The following GPC5 variants were observed in gnomAD, a reference collection of about 807,000 sequenced individuals.
The protein encoded by GPC5 is glypican 5.
A neutral mutation model predicts 53.9 loss-of-function variants in GPC5; 47 were observed. The ratio of observed to expected loss-of-function variants is 0.87; its 90% confidence interval spans 0.69 to 1.11. The LOEUF (loss-of-function observed/expected upper bound fraction) is 1.11. Among genes scored for constraint, GPC5 ranks in the 50% most tolerant of loss-of-function variants. The probability of loss-of-function intolerance (pLI) is 0.00; values close to 1 mark genes in which losing one functional copy is unlikely to be tolerated. For synonymous variants in GPC5, 286 were observed against 263.3 expected (o/e 1.09, Z -0.84); for missense variants, 748 against 713.1 (o/e 1.05, Z -0.56).
chr13:92,454,181 A>G (rs1056461234), intron 7 of GPC5, among the ~76,000 whole-genome samples: 1 of 151,718 alleles, frequency 6.6e-6, no homozygotes, highest in Non-Finnish European at 1.5e-5. Context: ...TAGTAATTTT[A>G]TCTCCAGGTT....
chr13:92,866,632 A>C lies in GPC5; in HGVS notation c.*193A>C, dbSNP rs762537867. 1.5e-5 allele frequency: 6 copies of C among 402,524 alleles called. No homozygotes were observed. The highest frequency in any genetic ancestry group is 2.6e-5 in the Non-Finnish European group (6 of 229,944). The allele number at this position is 402,524 out of a possible 1,614,324, so 24.9% of individuals were successfully genotyped here. A position where few individuals can be genotyped will look rare whatever the true frequency, so the allele number is the denominator to read the frequency against. On this transcript the variant is annotated 3_prime_UTR_variant, in exon 8 of 8. Coordinates refer to ENST00000377067, the MANE Select transcript of GPC5 (RefSeq NM_004466.6). The stretch of plus-strand genomic sequence containing the variant: ...TCAACGTTTAAATGACACACTTTAA[A>C]AATATGTCTTTTTTCAATCTAACTG...
intron 7 of GPC5, among the ~76,000 whole-genome samples, chr13:92,809,497 C>T (rs951256901): frequency 1.3e-5 from 2 of 152,142 alleles, no homozygotes; most frequent in Non-Finnish European, 2.9e-5. Flanking sequence ...GGTAATAAGA[C>T]TCAGAGTCTG....
At chr13:92,445,063 A>G (rs180972852) in intron 7 of GPC5, among the ~76,000 whole-genome samples, 4 of 152,088 alleles carry the variant, frequency 2.6e-5, no homozygotes, top group African/African-American at 7.2e-5. Context: ...AGGTTGTCTA[A>G]TAACTACCAA....
intron 1 of GPC5, among the ~76,000 whole-genome samples, chr13:91,411,593 T>A (rs1877797360): frequency 6.6e-6 from 1 of 152,146 alleles, no homozygotes; most frequent in African/African-American, 2.4e-5. Flanking sequence ...TTATGACCCT[T>A]TACATAAAAC....
chr13:92,680,878 T>A (rs1456224319), intron 7 of GPC5, among the ~76,000 whole-genome samples: 2 of 152,196 alleles, frequency 1.3e-5, no homozygotes, highest in African/African-American at 4.8e-5. Context: ...TACCAACCTG[T>A]GTCACCAGGA....
intron 7 of GPC5, among the ~76,000 whole-genome samples, chr13:92,216,501 A>C (rs1672479123): frequency 6.6e-6 from 1 of 152,198 alleles, no homozygotes; most frequent in Admixed American, 6.5e-5. Flanking sequence ...AGATGTGGTG[A>C]TCTGGAAAGT....
At chr13:92,095,438 C>T (rs1225824126) in intron 6 of GPC5, among the ~76,000 whole-genome samples, 4 of 152,146 alleles carry the variant, frequency 2.6e-5, no homozygotes, top group African/African-American at 7.2e-5. Flanking sequence ...ACCTCCGCCT[C>T]GTGGGTTCAA....
At position 91,785,489 on chromosome 13, in the gene GPC5, C is replaced by T. The variant is rs562384144; in HGVS notation, c.1280+29069C>T. Among the ~76,000 whole-genome samples, 157 of 150,236 alleles carry T rather than the reference C, an allele frequency of 1.0e-3. 1 individual carries two copies. Among genetic ancestry groups the T allele is most frequent in the Non-Finnish European group, 1.7e-3 (116 of 67,550 alleles). Reference sequence around the variant, plus strand: ...TCATTCAGAGTTACACCTTTAAATACATGAATACGATATTGATTAACATAT... The same window carrying T: ...TCATTCAGAGTTACACCTTTAAATATATGAATACGATATTGATTAACATAT... On this transcript the variant is annotated intron_variant, in intron 5 of 7. Coordinates refer to ENST00000377067, the MANE Select transcript of GPC5 (RefSeq NM_004466.6).
intron 7 of GPC5, among the ~76,000 whole-genome samples, chr13:92,749,035 T>C (rs140217024): frequency 1.2e-3 from 177 of 152,320 alleles, no homozygotes; most frequent in African/African-American, 4.1e-3. Context: ...CTTGAATCAT[T>C]GTTTGTAGGT....
At chr13:91,987,944 G>A (rs935942745) in intron 6 of GPC5, among the ~76,000 whole-genome samples, 1 of 143,134 alleles carries the variant, frequency 7.0e-6, no homozygotes. Flanking sequence ...ATACATTATA[G>A]TAATTATTAT....
At chr13:92,329,775 A>G (rs1409823067) in intron 7 of GPC5, among the ~76,000 whole-genome samples, 1 of 152,164 alleles carries the variant, frequency 6.6e-6, no homozygotes, top group East Asian at 1.9e-4. Flanking sequence ...GATTCTATTA[A>G]CACTGGCCAA....
At chr13:91,561,387 GTCAATGCCATTA>G (rs1468196086) in intron 2 of GPC5, among the ~76,000 whole-genome samples, 4 of 152,246 alleles carry the variant, frequency 2.6e-5, no homozygotes, top group East Asian at 3.9e-4. Flanking sequence ...AACTGAAGAT[GTCAATGCCATTA>G]TCAAAGACTT....
At chr13:92,790,154 C>G (rs1036928207) in intron 7 of GPC5, among the ~76,000 whole-genome samples, 3 of 152,108 alleles carry the variant, frequency 2.0e-5, no homozygotes, top group Non-Finnish European at 4.4e-5. Context: ...GTGGTATCTT[C>G]AAATCCACTG....
chr13:91,545,620 A>G (rs1566492921), intron 2 of GPC5, among the ~76,000 whole-genome samples: 1 of 152,252 alleles, frequency 6.6e-6, no homozygotes, highest in Non-Finnish European at 1.5e-5. Context: ...GACTGTAGGT[A>G]CAGTGATGTA....
chr13:92,446,977 T>C (rs1877854537), intron 7 of GPC5: 1 of 152,198 alleles, frequency 6.6e-6, no homozygotes, highest in Admixed American at 6.6e-5. Flanking sequence ...TTAAATTGGA[T>C]TGTTAAATTT....
At chr13:92,591,692 T>C (rs1046007828) in intron 7 of GPC5, among the ~76,000 whole-genome samples, 1 of 152,092 alleles carries the variant, frequency 6.6e-6, no homozygotes, top group Non-Finnish European at 1.5e-5. Flanking sequence ...CTTGAATTCA[T>C]TTCTCCTATC....
chr13:92,227,477 G>A (rs1222464136), intron 7 of GPC5, among the ~76,000 whole-genome samples: 4 of 152,082 alleles, frequency 2.6e-5, no homozygotes, highest in Non-Finnish European at 2.9e-5. Flanking sequence ...TTCCTGTCTC[G>A]TCAAGGGTGT....
intron 6 of GPC5, among the ~76,000 whole-genome samples, chr13:92,031,066 C>G (rs2040837368): frequency 6.6e-6 from 1 of 152,068 alleles, no homozygotes; most frequent in Non-Finnish European, 1.5e-5. Flanking sequence ...ATTTCTGGCA[C>G]ATTCTTTTCT....
At chr13:92,147,590 A>G (rs887827493) in intron 7 of GPC5, among the ~76,000 whole-genome samples, 3 of 152,024 alleles carry the variant, frequency 2.0e-5, no homozygotes, top group Admixed American at 6.6e-5. Flanking sequence ...AAGTTGACAA[A>G]AATTTTTACT....
Sources: gnomAD v4.1 joint callset for allele counts (sites outside exome capture counted in the v4.1 genomes callset) on GRCh38, gnomAD v4.1.1 for gene constraint, MANE v1.5 for transcripts, NCBI Gene and HGNC (gene_info 2026-07-23, HGNC 2026-07-21) for gene names.